The following CAND2 variants were observed in gnomAD, a reference collection of about 807,000 sequenced individuals.
CAND2 encodes cullin-associated NEDD8-dissociated protein 2.
A neutral mutation model predicts 98.9 loss-of-function variants in CAND2; 62 were observed. The observed-to-expected ratio is 0.63, with a 90% CI of 0.51 to 0.77. The LOEUF is 0.77. Among genes scored for constraint, CAND2 ranks in the 30% least tolerant of loss-of-function variants. The probability of loss-of-function intolerance (pLI) is 0.00; values close to 1 mark genes in which losing one functional copy is unlikely to be tolerated. For missense variants in CAND2, 1,501 were observed against 1,655.2 expected (o/e 0.91, Z 1.62); for synonymous variants, 770 against 731.9 (o/e 1.05, Z -0.84).
Position 12,813,077 on chromosome 3 carries a change from T to C in CAND2, c.845T>C (p.Phe282Ser), listed in dbSNP as rs1445846095. 6.3e-7 allele frequency: 1 copy of C among 1,579,558 alleles called. No individual in the cohort carries two copies. The highest frequency in any genetic ancestry group is 8.6e-7 in the Non-Finnish European group (1 of 1,162,784). Residue 282 changes from phenylalanine to serine, a missense_variant, in exon 6 of 15, where the codon TTT (phenylalanine) becomes TCT (serine). Physicochemically the swap from Phe to Ser is radical, Grantham distance 155. Transcript: ENST00000456430. Reference protein sequence around the residue: ...DELRESCLQAFEAFLRKCPKE... With the variant: ...DELRESCLQASEAFLRKCPKE... Reference sequence around the variant, plus strand: ...CTCCGGGAGTCCTGCCTCCAGGCTTTTGAGGCCTTCTTGAGGAAGTATGTA... The same window carrying C: ...CTCCGGGAGTCCTGCCTCCAGGCTTCTGAGGCCTTCTTGAGGAAGTATGTA...
chr3:12,819,980 T>C, intron 10 of CAND2, 106 bp from the exon 11 acceptor site: 1 of 860,240 alleles, frequency 1.2e-6, no homozygotes, highest in Non-Finnish European at 1.9e-6. Flanking sequence ...GGGGGTACAG[T>C]TCTGTTTTCC....
intron 1 of CAND2, among the ~76,000 whole-genome samples, chr3:12,798,098 C>T (rs1400154304): frequency 3.7e-5 from 3 of 80,664 alleles, no homozygotes; most frequent in Non-Finnish European, 7.0e-5. Context: ...GAACCCATCT[C>T]TGAGGGTTGG....
intron 11 of CAND2, among the ~76,000 whole-genome samples, chr3:12,820,800 A>G (rs2061951630): frequency 6.6e-6 from 1 of 152,202 alleles, no homozygotes; most frequent in South Asian, 2.1e-4. Context: ...ACTGGGCCAC[A>G]CTGGAGTCTC....
chr3:12,831,714 A>G (rs1422713984), intron 14 of CAND2, 142 bp downstream of exon 14: 1 of 603,306 alleles, frequency 1.7e-6, no homozygotes, highest in Non-Finnish European at 3.0e-6. Context: ...TCATTGCCCT[A>G]TAAAGTACCT....
chr3:12,834,037 C>T lies in CAND2; in HGVS notation c.*55C>T, dbSNP rs749488481. The T allele has an allele frequency of 2.3e-5, 32 of 1,417,962 alleles. No homozygotes were observed. The highest frequency in any genetic ancestry group is 3.0e-5 in the Non-Finnish European group (30 of 1,006,764). 87.8% of individuals were successfully genotyped at this position (1,417,962 alleles called of 1,614,324 possible). On this transcript the variant is annotated 3_prime_UTR_variant, in exon 15 of 15. Transcript: ENST00000456430. ...TAAGAGAAAGGAGCCCACCCAAGTC[C>T]GAGGCCTCCCCATCCCACCATCGCA...
rs906342013 is a variant in CAND2 at position 12,834,106 on chromosome 3, C to A, written c.*124C>A. 2 of 764,306 alleles carry A rather than the reference C, an allele frequency of 2.6e-6. No homozygotes were observed. The highest frequency in any genetic ancestry group is 4.3e-6 in the Non-Finnish European group (2 of 468,666). The allele number at this position is 764,306 out of a possible 1,614,324, so 47.3% of individuals were successfully genotyped here. On this transcript the variant is annotated 3_prime_UTR_variant, in exon 15 of 15. Transcript: ENST00000456430. ...TCCACCATCTCACTGGGGGCCCTGT[C>A]GCTCCTGGTCAGGGCTTACAGTGCC...
rs777680163 is a variant in CAND2 at position 12,833,952 on chromosome 3, C to A, written c.3681C>A (p.Ala1227=). The change falls in exon 15 of 15, where the codon GCC becomes GCA. Residue 1227 remains alanine (A), a synonymous_variant. Transcript: ENST00000456430. ...FESIQKDSAS[A]PSTDSMELS ...GCATCCAGAAGGATTCCGCTTCAGCCCCCAGCACAGACTCAATGGAGCTCA... is the reference window on the plus strand; with the variant it reads ...GCATCCAGAAGGATTCCGCTTCAGCACCCAGCACAGACTCAATGGAGCTCA... The A allele has an allele frequency of 4.3e-6, 7 of 1,614,170 alleles. No homozygotes were observed. The highest frequency in any genetic ancestry group is 5.9e-6 in the Non-Finnish European group (7 of 1,180,028).
At chr3:12,818,910 G>A (rs909979538) in intron 10 of CAND2, among the ~76,000 whole-genome samples, 2 of 152,180 alleles carry the variant, frequency 1.3e-5, no homozygotes, top group Non-Finnish European at 2.9e-5. Context: ...AAGATGCAGA[G>A]GAGCCCTGCT....
intron 1 of CAND2, among the ~76,000 whole-genome samples, chr3:12,800,195 C>A (rs1224369062): frequency 2.0e-5 from 3 of 152,230 alleles, no homozygotes; most frequent in African/African-American, 7.2e-5. Context: ...CCTGCCCATG[C>A]TGCCAGCCCA....
At chr3:12,806,478 A>G (rs6442332) in intron 2 of CAND2, among the ~76,000 whole-genome samples, 4,913 of 152,218 alleles carry the variant, frequency 0.032, 261 homozygotes, top group African/African-American at 0.11. Flanking sequence ...ATGCACACCA[A>G]TGTCTGAGAA....
chr3:12,812,429 G>A (rs1421147952), intron 5 of CAND2, among the ~76,000 whole-genome samples: 3 of 107,240 alleles, frequency 2.8e-5, no homozygotes, highest in African/African-American at 7.7e-5. Flanking sequence ...ACGGAGTCTC[G>A]CTCTGTCGCC....
intron 12 of CAND2, 47 bp from the exon 13 acceptor site, chr3:12,827,393 G>T (rs779056632): frequency 6.4e-7 from 1 of 1,559,638 alleles, no homozygotes; most frequent in East Asian, 2.3e-5. Flanking sequence ...TAGAAGAGGT[G>T]TCCTTACACC....
At chr3:12,821,832 G>A (rs1289212612) in intron 11 of CAND2, among the ~76,000 whole-genome samples, 2 of 152,140 alleles carry the variant, frequency 1.3e-5, no homozygotes, top group Non-Finnish European at 2.9e-5. Context: ...GCACATGGAG[G>A]TGGCTTGTCC....
At chr3:12,803,427 C>T in intron 1 of CAND2, 61 bp from the exon 2 acceptor site, 2 of 1,496,304 alleles carry the variant, frequency 1.3e-6, no homozygotes, top group South Asian at 2.7e-5. Flanking sequence ...CCCTGAGGTA[C>T]TGCCCAAATC....
intron 11 of CAND2, among the ~76,000 whole-genome samples, chr3:12,821,313 T>C: frequency 6.6e-6 from 1 of 151,908 alleles, no homozygotes; most frequent in Non-Finnish European, 1.5e-5. Context: ...GGCAAAAGAA[T>C]TGCTTGAACC....
At chr3:12,809,740 A>G (rs2124843398) in intron 4 of CAND2, among the ~76,000 whole-genome samples, 1 of 152,086 alleles carries the variant, frequency 6.6e-6, no homozygotes, top group East Asian at 1.9e-4. Flanking sequence ...AGGGGATGGT[A>G]TTGAGGCAAG....
chr3:12,833,948 C>T lies in CAND2; in HGVS notation c.3677C>T (p.Ser1226Leu), dbSNP rs752524302. ...GAAAGCATCCAGAAGGATTCCGCTT[C>T]AGCCCCCAGCACAGACTCAATGGAG... ...LFESIQKDSA[S>L]APSTDSMELS Residue 1226 changes from serine to leucine, a missense_variant, in exon 15 of 15, where the codon TCA becomes TTA. Physicochemically the swap from Ser to Leu is moderately radical, Grantham distance 145. Transcript: ENST00000456430. The T allele has an allele frequency of 7.4e-6, 12 of 1,614,112 alleles. No individual in the cohort carries two copies. In the African/African-American group the frequency reaches 8.0e-5, roughly 11 times the overall value.
intron 14 of CAND2, 53 bp downstream of exon 14, chr3:12,831,625 C>A: frequency 6.0e-6 from 6 of 993,140 alleles, no homozygotes; most frequent in Non-Finnish European, 8.5e-6. Flanking sequence ...ATGGAGTCCT[C>A]GGCCAGTCGT....
At chr3:12,798,539 A>G (rs1440397624) in intron 1 of CAND2, among the ~76,000 whole-genome samples, 1 of 152,078 alleles carries the variant, frequency 6.6e-6, no homozygotes, top group African/African-American at 2.4e-5. Flanking sequence ...CAGTCCACCC[A>G]TGGGTGGTAG....
Sources: gnomAD v4.1 joint callset for allele counts (sites outside exome capture counted in the v4.1 genomes callset) on GRCh38, gnomAD v4.1.1 for gene constraint, MANE v1.5 for transcripts, NCBI Gene and HGNC (gene_info 2026-07-23, HGNC 2026-07-21) for gene names.